POPDC3: variants seen among roughly 807,000 people sequenced by gnomAD.
POPDC3 encodes popeye domain cAMP effector 3, also known as popeye domain-containing protein 3.
In POPDC3, 20 loss-of-function variants were observed where a neutral mutation model predicts 28.2. That is an observed-to-expected ratio of 0.71 (90% CI 0.50 to 1.03). The LOEUF (loss-of-function observed/expected upper bound fraction) is 1.03. POPDC3 is among the 50% of genes least tolerant of loss of function. The pLI, the probability that POPDC3 is intolerant of heterozygous loss-of-function variation, is 0.00. For missense variants in POPDC3, 316 were observed against 345.9 expected (o/e 0.91, Z 0.69); for synonymous variants, 118 against 124.1 (o/e 0.95, Z 0.33).
intron 1 of POPDC3, chr6:105,166,794 T>C (rs1426792175): frequency 3.0e-6 from 1 of 335,134 alleles, no homozygotes; most frequent in Admixed American, 4.4e-5. Context: ...TTTTTCCTTT[T>C]TAAAGCATCA....
intron 1 of POPDC3, chr6:105,178,823 CAA>C (rs1160371923): frequency 2.0e-6 from 2 of 984,914 alleles, no homozygotes; most frequent in African/African-American, 1.8e-5. Flanking sequence ...GAATTAAAAA[CAA>C]GAAGGAAAAA....
chr6:105,163,246 A>T (rs1418705335), intron 1 of POPDC3, among the ~76,000 whole-genome samples: 1 of 152,202 alleles, frequency 6.6e-6, no homozygotes, highest in Non-Finnish European at 1.5e-5. Flanking sequence ...AAATATTAAT[A>T]TTCCTGTTAC....
At position 105,158,240 on chromosome 6, in the gene POPDC3, C is replaced by G. The variant is rs911875875; in HGVS notation, c.*230G>C. The stretch of plus-strand genomic sequence containing the variant: ...TTGATGCAGAAAAGGGCAAACTGCC[C>G]ATAGTTATCCACCCCCTCCCCAATT... On this transcript the variant is annotated 3_prime_UTR_variant, in exon 4 of 4. Transcript: ENST00000254765. The G allele has an allele frequency of 2.1e-6, 1 of 469,346 alleles. No individual in the cohort carries two copies. The highest frequency in any genetic ancestry group is 3.7e-6 in the Non-Finnish European group (1 of 266,734). The allele number at this position is 469,346 out of a possible 1,614,324, so 29.1% of individuals were successfully genotyped here.
chr6:105,167,314 G>A (rs1031959193), intron 1 of POPDC3, among the ~76,000 whole-genome samples: 11 of 152,284 alleles, frequency 7.2e-5, no homozygotes, highest in Admixed American at 7.2e-4. Flanking sequence ...AGAGGATAAG[G>A]GGTAGGATAA....
chr6:105,170,459 T>A (rs1454019884), intron 1 of POPDC3, among the ~76,000 whole-genome samples: 2 of 152,210 alleles, frequency 1.3e-5, no homozygotes, highest in African/African-American at 4.8e-5. Flanking sequence ...CCTAACAAGA[T>A]CATGTATGAT....
At chr6:105,178,858 G>C in intron 1 of POPDC3, 1 of 985,398 alleles carries the variant, frequency 1.0e-6, no homozygotes, top group Non-Finnish European at 1.2e-6. Context: ...AACTTAGTAT[G>C]AACAGGCAAC....
chr6:105,175,480 G>A lies in POPDC3; in HGVS notation c.-252+4353C>T, dbSNP rs117830497. Among the ~76,000 whole-genome samples the A allele has an allele frequency of 2.4e-3, 364 of 151,428 alleles. 1 individual carries two copies. The highest frequency in any genetic ancestry group is 4.3e-3 in the Non-Finnish European group (294 of 67,914). ...TTGAGCCTGGGAGGCTGAGGTTGCC[G>A]TGAGCTGTGATCATGCCACTACAGT... On this transcript the variant is annotated intron_variant, in intron 1 of 3. Transcript: ENST00000254765.
At chr6:105,166,010 C>T (rs565986074) in intron 1 of POPDC3, among the ~76,000 whole-genome samples, 21 of 152,248 alleles carry the variant, frequency 1.4e-4, no homozygotes, top group African/African-American at 4.8e-4. Context: ...CCATTTTACA[C>T]ATAAGAAAAT....
chr6:105,159,587 A>C (rs1774274078), intron 3 of POPDC3, 124 bp downstream of exon 3: 1 of 614,126 alleles, frequency 1.6e-6, no homozygotes, highest in Non-Finnish European at 2.9e-6. Flanking sequence ...TGTATGCTGC[A>C]AAGTACATTC....
rs986794027 is a variant in POPDC3, at chr6:105,158,221, C to T, written c.*249G>A. Reference sequence around the variant, plus strand: ...GAATTTCATTCTCCCAGTTTTGATGCAGAAAAGGGCAAACTGCCCATAGTT... The same window carrying T: ...GAATTTCATTCTCCCAGTTTTGATGTAGAAAAGGGCAAACTGCCCATAGTT... On this transcript the variant is annotated 3_prime_UTR_variant, in exon 4 of 4. Coordinates refer to ENST00000254765, the MANE Select transcript of POPDC3 (RefSeq NM_022361.5). 4.9e-6 allele frequency: 2 copies of T among 410,986 alleles called. No homozygotes were observed. Among genetic ancestry groups the T allele is most frequent in the African/African-American group, 4.0e-5 (2 of 49,616 alleles). 25.5% of individuals were successfully genotyped at this position (410,986 alleles called of 1,614,324 possible).
At chr6:105,170,949 T>C (rs1251960178) in intron 1 of POPDC3, among the ~76,000 whole-genome samples, 3 of 152,236 alleles carry the variant, frequency 2.0e-5, no homozygotes, top group African/African-American at 4.8e-5. Context: ...TTGTGAGTTA[T>C]GGTGAAGCGG....
At position 105,158,416 on chromosome 6, in the gene POPDC3, G is replaced by C. The variant is rs1243358110; in HGVS notation, c.*54C>G. The stretch of plus-strand genomic sequence containing the variant: ...TTTTTTGTATTTTGCTATTTCACTG[G>C]GGAATGATGAAGAGAGAGTCTTTTT... On this transcript the variant is annotated 3_prime_UTR_variant, in exon 4 of 4. Coordinates refer to ENST00000254765, the MANE Select transcript of POPDC3 (RefSeq NM_022361.5). 2.4e-5 allele frequency: 34 copies of C among 1,430,570 alleles called. No homozygotes were observed. Among genetic ancestry groups the C allele is most frequent in the Admixed American group, 4.5e-5 (2 of 44,260 alleles). 88.6% of individuals were successfully genotyped at this position (1,430,570 alleles called of 1,614,324 possible).
At position 105,158,637 on chromosome 6, in the gene POPDC3, T is replaced by G; in HGVS notation, c.709A>C (p.Ser237Arg). The stretch of plus-strand genomic sequence containing the variant: ...GCATAGAGTTTATCTGCAATGTCAC[T>G]GCCAATTAGCACTGAAAAAAGGCGG... The part of the protein sequence containing the change: ...ISRLFSVLIG[S>R]DIADKLYALN... Residue 237 changes from serine to arginine, a missense_variant, in exon 4 of 4, where the codon AGT (serine) becomes CGT (arginine). Transcript: ENST00000254765. 1 of 1,614,214 alleles carries G rather than the reference T, an allele frequency of 6.2e-7. No homozygotes were observed. Among genetic ancestry groups the G allele is most frequent in the African/African-American group, 1.3e-5 (1 of 75,072 alleles).
At chr6:105,165,306 T>C (rs1774433800) in intron 1 of POPDC3, among the ~76,000 whole-genome samples, 1 of 152,242 alleles carries the variant, frequency 6.6e-6, no homozygotes. Context: ...TCTTGTACTG[T>C]TCAGTCTGTA....
chr6:105,178,691 G>C, intron 1 of POPDC3: 1 of 979,398 alleles, frequency 1.0e-6, no homozygotes, highest in Non-Finnish European at 1.2e-6. Context: ...TGGAAACTGA[G>C]ATCCAATTTT....
rs1774228193 is a variant in POPDC3 at position 105,158,366 on chromosome 6, A to G, written c.*104T>C. On this transcript the variant is annotated 3_prime_UTR_variant, in exon 4 of 4. Transcript: ENST00000254765. ...CAATGGCATCTCGCTTCTGAATTTG[A>G]TTTATAAAAACATTAGGGAGCTCTT... The G allele has an allele frequency of 1.0e-6, 1 of 974,456 alleles. No homozygotes were observed. Among genetic ancestry groups the G allele is most frequent in the African/African-American group, 1.6e-5 (1 of 61,118 alleles). 60.4% of individuals were successfully genotyped at this position (974,456 alleles called of 1,614,324 possible). A position where few individuals can be genotyped will look rare whatever the true frequency, so the allele number is the denominator to read the frequency against.
At chr6:105,163,162 A>C (rs1049874349) in intron 1 of POPDC3, among the ~76,000 whole-genome samples, 1 of 152,242 alleles carries the variant, frequency 6.6e-6, no homozygotes, top group Non-Finnish European at 1.5e-5. Context: ...GATTGAAATT[A>C]TTTGAGAAAC....
At chr6:105,175,024 G>A (rs780379080) in intron 1 of POPDC3, among the ~76,000 whole-genome samples, 1 of 151,844 alleles carries the variant, frequency 6.6e-6, no homozygotes, top group East Asian at 1.9e-4. Context: ...AAAATGAGCC[G>A]GGCGTGGTGG....
At chr6:105,160,697 G>A (rs746630188) in intron 2 of POPDC3, among the ~76,000 whole-genome samples, 5 of 151,904 alleles carry the variant, frequency 3.3e-5, no homozygotes, top group Non-Finnish European at 7.4e-5. Context: ...CGCTCAAGCA[G>A]TTCTCCTGCC....
Sources: gnomAD v4.1 joint callset for allele counts (sites outside exome capture counted in the v4.1 genomes callset) on GRCh38, gnomAD v4.1.1 for gene constraint, MANE v1.5 for transcripts, NCBI Gene and HGNC (gene_info 2026-07-23, HGNC 2026-07-21) for gene names.